DOCK4: variants seen among roughly 807,000 people sequenced by gnomAD.
DOCK4 encodes dedicator of cytokinesis protein 4.
DOCK4 carries 97 observed loss-of-function variants against 268.1 expected under a neutral mutation model. The observed-to-expected ratio is 0.36, with a 90% confidence interval of 0.31 to 0.43. The LOEUF is 0.43. Among genes scored for constraint, DOCK4 ranks in the 20% least tolerant of loss-of-function variants. The probability of loss-of-function intolerance (pLI) is 1.00; values close to 1 mark genes in which losing one functional copy is unlikely to be tolerated. For missense variants in DOCK4, 2,145 were observed against 2,455.7 expected, an observed-to-expected ratio of 0.87 and a Z score of 2.67; for synonymous variants, 954 against 887.2, an observed-to-expected ratio of 1.08 and a Z score of -1.34.
At chr7:111,767,375 C>T (rs1585921847) in intron 37 of DOCK4, among the ~76,000 whole-genome samples, 2 of 151,962 alleles carry the variant, frequency 1.3e-5, no homozygotes, top group Middle Eastern at 3.4e-3. Flanking sequence ...TACAGGCACG[C>T]ACCACCACAC....
chr7:112,070,823 C>T (rs1586760936), intron 1 of DOCK4, among the ~76,000 whole-genome samples: 1 of 152,182 alleles, frequency 6.6e-6, no homozygotes, highest in Non-Finnish European at 1.5e-5. Context: ...TGCCTTTCTC[C>T]TCCTCCTCCT....
intron 32 of DOCK4, among the ~76,000 whole-genome samples, chr7:111,787,122 T>C (rs1799226483): frequency 6.6e-6 from 1 of 152,160 alleles, no homozygotes; most frequent in East Asian, 1.9e-4. Context: ...GCAACTGAAA[T>C]TGCATATTAT....
intron 35 of DOCK4, among the ~76,000 whole-genome samples, chr7:111,779,077 A>C (rs922156210): frequency 1.7e-5 from 2 of 120,354 alleles, no homozygotes; most frequent in East Asian, 2.1e-4. Context: ...AAAAATCTCT[A>C]AAAAAAAAAA....
chr7:112,068,634 A>G (rs1807295508), intron 1 of DOCK4, among the ~76,000 whole-genome samples: 1 of 152,230 alleles, frequency 6.6e-6, no homozygotes, highest in African/African-American at 2.4e-5. Flanking sequence ...TGAGAAGCCT[A>G]TAAGGCAACC....
intron 1 of DOCK4, among the ~76,000 whole-genome samples, chr7:112,083,211 T>C (rs1808759520): frequency 6.6e-6 from 1 of 152,124 alleles, no homozygotes; most frequent in Non-Finnish European, 1.5e-5. Flanking sequence ...AGTAGAATTT[T>C]TTATTAATAT....
Position 111,758,783 on chromosome 7 carries a change from C to G in DOCK4, c.4170G>C (p.Gln1390His). 6.2e-7 allele frequency: 1 copy of G among 1,613,694 alleles called. No individual in the cohort carries two copies. The highest frequency in any genetic ancestry group is 1.1e-5 in the South Asian group (1 of 91,000). ...TIFQAEAQYLQIYAVTPIPES... is the reference protein window; with the variant it reads ...TIFQAEAQYLHIYAVTPIPES... ...CTGGAATGGGAGTCACAGCATATAT[C>G]TGCAAATCTAGGATTCAAGAGTCAA... is the stretch of plus-strand genomic sequence containing the variant. The change falls in exon 41 of 53, where the codon CAG becomes CAC. Residue 1390 changes from glutamine to histidine, a missense_variant. Physicochemically the swap from Gln to His is conservative, Grantham distance 24. This residue lies in a region of DOCK4 where 1,598 missense variants were observed against 1,986.7 expected (regional missense o/e 0.80). Transcript: ENST00000428084.
intron 31 of DOCK4, 56 bp downstream of exon 31, chr7:111,790,401 G>A: frequency 1.9e-6 from 3 of 1,580,408 alleles, no homozygotes; most frequent in Non-Finnish European, 2.6e-6. Flanking sequence ...GAAGTTCACA[G>A]ATGCTTCAGG....
intron 51 of DOCK4, 45 bp downstream of exon 51, chr7:111,735,006 TAAA>T (rs1487912324): frequency 6.9e-7 from 1 of 1,447,934 alleles, no homozygotes; most frequent in Admixed American, 2.0e-5. Context: ...GAGTAGTCAA[TAAA>T]AGTTATTTTA....
chr7:111,895,522 AT>A, intron 16 of DOCK4, 89 bp downstream of exon 16: 7 of 1,127,800 alleles, frequency 6.2e-6, no homozygotes, highest in African/African-American at 1.5e-5. Flanking sequence ...CATTTCAGTC[AT>A]TTTTTTCTCT....
Position 111,974,411 on chromosome 7 carries a change from T to C in DOCK4, c.701+2721A>G, listed in dbSNP as rs113270818. On this transcript the variant is annotated intron_variant, in intron 8 of 52. Transcript: ENST00000428084. ...GAGGTGAGAGCCACAGATAACCAAA[T>C]GCATTGAGGAGAAGCAGTGGGAAGG... is the stretch of plus-strand genomic sequence containing the variant. Among the ~76,000 whole-genome samples, 1,457 of 151,456 alleles carry C rather than the reference T, an allele frequency of 9.6e-3. 23 individuals are homozygous for C. Among genetic ancestry groups the C allele is most frequent in the African/African-American group, 0.034 (1,390 of 41,212 alleles).
At chr7:111,762,757 G>GTTTTTTTTTTTTTTTTTTTTTTTTTTTT (rs1797499588) in intron 39 of DOCK4, among the ~76,000 whole-genome samples, 5 of 55,004 alleles carry the variant, frequency 9.1e-5, no homozygotes, top group African/African-American at 1.3e-4. Context: ...ATTTTGTTTT[G>GTTTTTTTTTTTTTTTTTTTTTTTTTTTT]TTTTCTTTTT....
At chr7:111,925,520 C>G (rs751857169) in intron 12 of DOCK4, among the ~76,000 whole-genome samples, 2 of 152,038 alleles carry the variant, frequency 1.3e-5, no homozygotes, top group Non-Finnish European at 2.9e-5. Flanking sequence ...TACAAATGAG[C>G]CAGGTTAGAT....
At chr7:112,162,844 T>C (rs969910723) in intron 1 of DOCK4, among the ~76,000 whole-genome samples, 2 of 152,198 alleles carry the variant, frequency 1.3e-5, no homozygotes, top group Non-Finnish European at 2.9e-5. Flanking sequence ...ATCTAGTCAC[T>C]TACTTAAACC....
chr7:112,096,398 G>T (rs766000051), intron 1 of DOCK4, among the ~76,000 whole-genome samples: 1 of 151,936 alleles, frequency 6.6e-6, no homozygotes, highest in Non-Finnish European at 1.5e-5. Context: ...GCACAGGCTG[G>T]TCTCCAACTC....
rs769082039 is a variant in DOCK4, at chr7:111,900,386, G to A, written c.1468C>T (p.Arg490Trp). The change falls in exon 15 of 53, where the codon CGG (arginine) becomes TGG (tryptophan). Residue 490 changes from arginine to tryptophan, a missense_variant. Physicochemically the swap from Arg to Trp is moderately radical, Grantham distance 101. This residue lies in a region of DOCK4 where 1,598 missense variants were observed against 1,986.7 expected (regional missense o/e 0.80). Transcript: ENST00000428084. ...ACCAAACACTTACTGGAACAATGCC[G>A]AAACTCGAAGCGGATGTGTGCACCC... The part of the protein sequence containing the change: ...FRGAHIRFEF[R>W]HCSTKEKGEK... 6 of 1,612,696 alleles carry A rather than the reference G, an allele frequency of 3.7e-6. No homozygotes were observed. The highest frequency in any genetic ancestry group is 1.1e-5 in the South Asian group (1 of 90,646).
chr7:111,991,961 CAAAAAAAA>C (rs60667093), intron 5 of DOCK4, among the ~76,000 whole-genome samples: 34 of 50,914 alleles, frequency 6.7e-4, no homozygotes, highest in South Asian at 5.1e-3. Flanking sequence ...ACTCTGTCTC[CAAAAAAAA>C]AAAAAAAAAA....
chr7:111,976,954 C>T, intron 8 of DOCK4, 178 bp downstream of exon 8: 1 of 605,810 alleles, frequency 1.7e-6, no homozygotes, highest in Non-Finnish European at 2.7e-6. Flanking sequence ...CTGCATTCAT[C>T]ATCCCTCACA....
intron 12 of DOCK4, among the ~76,000 whole-genome samples, chr7:111,935,200 G>A (rs997215053): frequency 1.3e-5 from 2 of 151,942 alleles, no homozygotes; most frequent in African/African-American, 2.4e-5. Flanking sequence ...CACTAATCTC[G>A]GCCTCCCAAA....
chr7:111,969,385 T>C (rs1393815829), intron 8 of DOCK4, among the ~76,000 whole-genome samples: 1 of 149,068 alleles, frequency 6.7e-6, no homozygotes, highest in Non-Finnish European at 1.5e-5. Flanking sequence ...ACCAGATATC[T>C]CCTTTGCATC....
Sources: gnomAD v4.1 joint callset for allele counts (sites outside exome capture counted in the v4.1 genomes callset) on GRCh38, gnomAD v4.1.1 for gene constraint, gnomAD v4.1.1 regional missense constraint, MANE v1.5 for transcripts, NCBI Gene and HGNC (gene_info 2026-07-23, HGNC 2026-07-21) for gene names.